ST8SIA4: variants seen among roughly 807,000 people sequenced by gnomAD.
ST8SIA4 encodes the protein CMP-N-acetylneuraminate-poly-alpha-2,8-sialyltransferase.
In ST8SIA4, 15 loss-of-function variants were observed where a neutral mutation model predicts 33.9. The ratio of observed to expected loss-of-function variants is 0.44; its 90% CI spans 0.30 to 0.68. ST8SIA4 has a LOEUF of 0.68. ST8SIA4 is among the 30% of genes least tolerant of loss of function. The pLI is 0.10. For synonymous variants in ST8SIA4, 171 were observed against 151.2 expected (o/e 1.13, Z -0.96); for missense variants, 321 against 428.0 (o/e 0.75, Z 2.21).
At chr5:100,857,160 TG>T (rs2112441231) in intron 3 of ST8SIA4, among the ~76,000 whole-genome samples, 1 of 152,044 alleles carries the variant, frequency 6.6e-6, no homozygotes, top group East Asian at 1.9e-4. Context: ...GAACAGAATA[TG>T]CCGTACTGTT....
At chr5:100,856,479 G>A in intron 3 of ST8SIA4, 83 bp from the exon 4 acceptor site, 1 of 1,317,946 alleles carries the variant, frequency 7.6e-7, no homozygotes, top group Non-Finnish European at 1.0e-6. Context: ...AGAAGAATGG[G>A]AAATAAGCAT....
intron 3 of ST8SIA4, among the ~76,000 whole-genome samples, chr5:100,873,374 CTT>C (rs756649804): frequency 9.7e-4 from 148 of 152,074 alleles, no homozygotes; most frequent in Middle Eastern, 3.4e-3. Context: ...AATAAACAAA[CTT>C]AAGTTAGAAA....
intron 3 of ST8SIA4, among the ~76,000 whole-genome samples, chr5:100,857,320 T>C (rs1485436237): frequency 3.3e-5 from 5 of 151,972 alleles, no homozygotes; most frequent in African/African-American, 1.2e-4. Flanking sequence ...TTAACCAATT[T>C]CTGATGCTTC....
intron 4 of ST8SIA4, among the ~76,000 whole-genome samples, chr5:100,851,544 T>C (rs1363783156): frequency 6.6e-6 from 1 of 152,102 alleles, no homozygotes; most frequent in Non-Finnish European, 1.5e-5. Flanking sequence ...TGAGAAAATG[T>C]CATGTTAATT....
chr5:100,839,650 TAGAA>T (rs1468317533), intron 4 of ST8SIA4, among the ~76,000 whole-genome samples: 2 of 151,916 alleles, frequency 1.3e-5, no homozygotes, highest in Admixed American at 1.3e-4. Flanking sequence ...CTTATATAAA[TAGAA>T]AGCACTCACT....
intron 3 of ST8SIA4, among the ~76,000 whole-genome samples, chr5:100,875,798 G>T (rs1752292023): frequency 1.3e-5 from 2 of 152,068 alleles, no homozygotes. Context: ...ATGTTTACAA[G>T]AAAAATATAA....
chr5:100,829,870 T>C (rs963139799), intron 4 of ST8SIA4, among the ~76,000 whole-genome samples: 2 of 147,114 alleles, frequency 1.4e-5, no homozygotes, highest in African/African-American at 2.5e-5. Flanking sequence ...ATCGCGCCAC[T>C]GCACTCCAAC....
intron 4 of ST8SIA4, among the ~76,000 whole-genome samples, chr5:100,812,686 GAAC>G (rs773317542): frequency 4.6e-5 from 7 of 152,018 alleles, no homozygotes; most frequent in Admixed American, 2.0e-4. Context: ...ACTCACATAA[GAAC>G]AACAATAAAA....
chr5:100,832,151 AG>A (rs1580453774), intron 4 of ST8SIA4, among the ~76,000 whole-genome samples: 1 of 152,248 alleles, frequency 6.6e-6, no homozygotes, highest in East Asian at 1.9e-4. Context: ...TGACATTTAA[AG>A]CAGAAGCTTT....
chr5:100,863,514 T>C (rs1751992624), intron 3 of ST8SIA4, among the ~76,000 whole-genome samples: 2 of 152,126 alleles, frequency 1.3e-5, no homozygotes. Flanking sequence ...ACTCATGGAG[T>C]TTAATTTTAA....
chr5:100,872,140 C>A (rs1752209030), intron 3 of ST8SIA4, among the ~76,000 whole-genome samples: 1 of 151,858 alleles, frequency 6.6e-6, no homozygotes, highest in Non-Finnish European at 1.5e-5. Flanking sequence ...ATTATATATA[C>A]CTCAATGTAT....
intron 1 of ST8SIA4, chr5:100,900,511 C>T (rs975329817): frequency 2.2e-6 from 1 of 456,072 alleles, no homozygotes; most frequent in Non-Finnish European, 4.4e-6. Flanking sequence ...ACAAGCTTTT[C>T]CACGAACCTT....
At chr5:100,857,405 T>C (rs1751840966) in intron 3 of ST8SIA4, among the ~76,000 whole-genome samples, 1 of 151,966 alleles carries the variant, frequency 6.6e-6, no homozygotes, top group African/African-American at 2.4e-5. Flanking sequence ...AAAACTATTT[T>C]TAACTTGCTT....
intron 2 of ST8SIA4, among the ~76,000 whole-genome samples, chr5:100,888,588 A>G (rs1302029456): frequency 6.6e-6 from 1 of 151,906 alleles, no homozygotes; most frequent in East Asian, 1.9e-4. Context: ...TGATGGAAAC[A>G]TTTTTCCTCT....
At chr5:100,880,006 A>G (rs1752382481) in intron 3 of ST8SIA4, among the ~76,000 whole-genome samples, 1 of 152,136 alleles carries the variant, frequency 6.6e-6, no homozygotes, top group African/African-American at 2.4e-5. Flanking sequence ...TGAAGTTTGT[A>G]TAAGGGATTA....
At chr5:100,871,312 T>G (rs1055721616) in intron 3 of ST8SIA4, among the ~76,000 whole-genome samples, 1 of 152,206 alleles carries the variant, frequency 6.6e-6, no homozygotes, top group East Asian at 1.9e-4. Context: ...TACCAGCCAG[T>G]CAATTCCTCC....
Position 100,820,850 on chromosome 5 carries a change from CAA to C in ST8SIA4, c.798-8723_798-8722del, listed in dbSNP as rs544346166. The stretch of plus-strand genomic sequence containing the variant: ...TAGTAAAATATCTTTTGGGAGTTGT[CAA>C]AGAGAATGCTTAAAATCTTGAGCTG... On this transcript the variant is annotated intron_variant, in intron 4 of 4. Coordinates refer to ENST00000231461, the MANE Select transcript of ST8SIA4 (RefSeq NM_005668.6). 1.3e-4 allele frequency among the ~76,000 whole-genome samples: 20 copies of C among 152,132 alleles called. No individual in the cohort carries two copies. In the South Asian group the frequency reaches 3.3e-3, roughly 25 times the overall value.
intron 3 of ST8SIA4, among the ~76,000 whole-genome samples, chr5:100,876,541 T>C (rs902431517): frequency 1.3e-5 from 2 of 152,114 alleles, no homozygotes; most frequent in South Asian, 4.1e-4. Flanking sequence ...ACCTAGCCAA[T>C]GACTGGCTTC....
chr5:100,856,122 G>C lies in ST8SIA4; in HGVS notation c.778C>G (p.Leu260Val). The change falls in exon 4 of 5, where the codon CTT becomes GTT. Residue 260 changes from leucine to valine, a missense_variant. Physicochemically the swap from Leu to Val is conservative, Grantham distance 32. Transcript: ENST00000231461. ...KVRTAYPSLR[L>V]IHAVRGYWLT... ...ACTTACCCTCTGACAGCATGAATAA[G>C]TCTCAATGACGGATAGGCAGTTCGC... 1.2e-6 allele frequency: 2 copies of C among 1,613,960 alleles called. No homozygotes were observed. Among genetic ancestry groups the C allele is most frequent in the Non-Finnish European group, 1.7e-6 (2 of 1,179,878 alleles).
Sources: allele counts gnomAD v4.1 joint callset (sites outside exome capture counted in the v4.1 genomes callset), GRCh38; gene constraint gnomAD v4.1.1; transcripts MANE v1.5; gene names NCBI Gene and HGNC (gene_info 2026-07-23, HGNC 2026-07-21).